TFEC: variants seen among roughly 807,000 people sequenced by gnomAD.
TFEC encodes the protein class E basic helix-loop-helix protein 34.
Under a neutral mutation model 41.6 loss-of-function variants are expected in TFEC, and 31 were observed. The ratio of observed to expected loss-of-function variants is 0.74; its 90% confidence interval spans 0.56 to 1.01. The LOEUF (loss-of-function observed/expected upper bound fraction) is 1.01, where lower values mean the gene tolerates loss of function less well. Ranked by LOEUF, TFEC falls within the 50% of genes least tolerant of loss-of-function variation. The pLI is 0.00. For synonymous variants in TFEC, 143 were observed against 140.6 expected (o/e 1.02, Z -0.12); for missense variants, 402 against 404.1 (o/e 0.99, Z 0.04).
intron 2 of TFEC, among the ~76,000 whole-genome samples, chr7:115,976,964 C>G (rs1391407697): frequency 6.6e-6 from 1 of 152,144 alleles, no homozygotes; most frequent in Non-Finnish European, 1.5e-5. Context: ...GAGAAACATC[C>G]TCCTTTGGAG....
chr7:116,042,711 A>G (rs980083393), intron 3 of TFEC, among the ~76,000 whole-genome samples: 3 of 152,208 alleles, frequency 2.0e-5, no homozygotes, highest in African/African-American at 7.2e-5. Context: ...TTCAGGAGTC[A>G]GGCAGGGATG....
chr7:116,064,013 T>C (rs1011186574), intron 3 of TFEC, among the ~76,000 whole-genome samples: 64 of 152,114 alleles, frequency 4.2e-4, no homozygotes, highest in African/African-American at 1.3e-3. Context: ...CTCACTTATA[T>C]AGAAGATCTA....
At chr7:116,110,905 T>C in exon 3 of TFEC, 1 of 1,523,940 alleles carries the variant, frequency 6.6e-7, no homozygotes, top group Non-Finnish European at 8.8e-7. Flanking sequence ...GCTTGTAACA[T>C]ATTTCTCTTC....
At chr7:116,132,372 C>T (rs932771531) in intron 1 of TFEC, among the ~76,000 whole-genome samples, 10 of 152,160 alleles carry the variant, frequency 6.6e-5, no homozygotes, top group African/African-American at 1.9e-4. Flanking sequence ...AAGTAGTTGG[C>T]TATTCAGGTC....
intron 3 of TFEC, among the ~76,000 whole-genome samples, chr7:116,102,379 T>C (rs1462454402): frequency 6.6e-6 from 1 of 152,138 alleles, no homozygotes; most frequent in Non-Finnish European, 1.5e-5. Context: ...TCAATCATAG[T>C]CACATTTAGA....
intron 3 of TFEC, among the ~76,000 whole-genome samples, chr7:116,071,470 T>C (rs1796826675): frequency 6.6e-6 from 1 of 151,496 alleles, no homozygotes; most frequent in East Asian, 1.9e-4. Flanking sequence ...ATCAAAGGTA[T>C]TTTTAAGGAA....
intron 3 of TFEC, among the ~76,000 whole-genome samples, chr7:116,048,840 G>T (rs1301721263): frequency 2.0e-5 from 3 of 152,178 alleles, no homozygotes. Context: ...CATTCTTAAA[G>T]AAAAGAATTT....
In TFEC at chr7:116,012,998, T is replaced by C. The variant is rs569658680; in HGVS notation, c.-73+17635A>G. 1.9e-3 allele frequency among the ~76,000 whole-genome samples: 290 copies of C among 152,168 alleles called. 1 individual carries two copies. Among genetic ancestry groups the C allele is most frequent in the African/African-American group, 6.9e-3 (287 of 41,554 alleles). ...CTGCAGTATTCTAGTCTAACCATTT[T>C]CTAAAGAATATGATTGGGGCATTTT... On this transcript the variant is annotated intron_variant, in intron 1 of 7. Coordinates refer to ENST00000265440, the MANE Select transcript of TFEC (RefSeq NM_012252.4).
At chr7:116,100,713 G>A (rs1189397319) in intron 3 of TFEC, among the ~76,000 whole-genome samples, 1 of 152,004 alleles carries the variant, frequency 6.6e-6, no homozygotes, top group African/African-American at 2.4e-5. Flanking sequence ...AATATGACAC[G>A]GCTGCCACAA....
At chr7:116,074,011 T>C (rs188465917) in intron 3 of TFEC, among the ~76,000 whole-genome samples, 22 of 151,954 alleles carry the variant, frequency 1.4e-4, no homozygotes, top group African/African-American at 4.1e-4. Flanking sequence ...ACTGGATTAT[T>C]TACATGCAAA....
chr7:116,135,290 C>T (rs372348569), intron 1 of TFEC, among the ~76,000 whole-genome samples: 4 of 152,100 alleles, frequency 2.6e-5, no homozygotes, highest in Admixed American at 6.6e-5. Flanking sequence ...AATATGGAAG[C>T]GTTTCCTTTG....
chr7:116,154,384 T>C (rs1386361297), intron 1 of TFEC, among the ~76,000 whole-genome samples: 1 of 152,184 alleles, frequency 6.6e-6, no homozygotes, highest in Non-Finnish European at 1.5e-5. Context: ...TGAGCTCCTA[T>C]TCAAAATCAC....
intron 6 of TFEC, among the ~76,000 whole-genome samples, chr7:115,947,388 ATG>A (rs1791651749): frequency 6.6e-6 from 1 of 151,108 alleles, no homozygotes; most frequent in South Asian, 2.2e-4. Context: ...ATACGTGTGC[ATG>A]TGTCTTTATA....
upstream of TFEC, among the ~76,000 whole-genome samples, chr7:116,033,278 T>C (rs1795831774): frequency 6.6e-6 from 1 of 151,900 alleles, no homozygotes; most frequent in African/African-American, 2.4e-5. Context: ...TGGTTAAGAG[T>C]CAGACTGATT....
chr7:116,072,812 C>A (rs1259113395), intron 3 of TFEC, among the ~76,000 whole-genome samples: 2 of 151,478 alleles, frequency 1.3e-5, no homozygotes, highest in South Asian at 4.2e-4. Context: ...AAGGGAACTT[C>A]TTCAACTTAA....
chr7:116,086,669 G>A (rs1797210599), intron 3 of TFEC, among the ~76,000 whole-genome samples: 1 of 151,758 alleles, frequency 6.6e-6, no homozygotes, highest in Non-Finnish European at 1.5e-5. Flanking sequence ...AATACTTGGA[G>A]TTGGATCTTA....
chr7:116,029,415 A>T (rs565069745), intron 1 of TFEC, among the ~76,000 whole-genome samples: 1 of 152,314 alleles, frequency 6.6e-6, no homozygotes, highest in Admixed American at 6.5e-5. Flanking sequence ...GAATTGTCCG[A>T]ATAATGCTGA....
At chr7:115,984,622 A>G in intron 1 of TFEC, 109 bp from the exon 2 acceptor site, 1 of 1,294,818 alleles carries the variant, frequency 7.7e-7, no homozygotes, top group Non-Finnish European at 1.0e-6. Flanking sequence ...TATAGCATCT[A>G]GTTTCTCTCC....
intron 3 of TFEC, among the ~76,000 whole-genome samples, chr7:116,039,235 T>A (rs886921605): frequency 6.6e-6 from 1 of 152,048 alleles, no homozygotes; most frequent in Non-Finnish European, 1.5e-5. Context: ...ATATAAGAAA[T>A]AAATTCAGTC....
Sources: gnomAD v4.1 joint callset for allele counts (sites outside exome capture counted in the v4.1 genomes callset) on GRCh38, gnomAD v4.1.1 for gene constraint, MANE v1.5 for transcripts, NCBI Gene and HGNC (gene_info 2026-07-23, HGNC 2026-07-21) for gene names.